ERC2: variants seen among roughly 807,000 people sequenced by gnomAD.
The protein encoded by ERC2 is ERC protein 2.
Under a neutral mutation model 114.8 loss-of-function variants are expected in ERC2, and 42 were observed. The ratio of observed to expected loss-of-function variants is 0.37; its 90% confidence interval spans 0.29 to 0.47. The LOEUF is 0.47. Among genes scored for constraint, ERC2 ranks in the 20% least tolerant of loss-of-function variants. The probability of loss-of-function intolerance (pLI) is 0.99; values close to 1 mark genes in which losing one functional copy is unlikely to be tolerated. For missense variants in ERC2, 939 were observed against 1,150.7 expected, an observed-to-expected ratio of 0.82 and a Z score of 2.66; for synonymous variants, 454 against 425.5, an observed-to-expected ratio of 1.07 and a Z score of -0.82.
chr3:55,735,816 C>A (rs150823963), intron 14 of ERC2, among the ~76,000 whole-genome samples: 2 of 151,962 alleles, frequency 1.3e-5, no homozygotes, highest in African/African-American at 4.8e-5. Flanking sequence ...TACTGGAAAC[C>A]CTGTTCTATT....
At chr3:55,826,568 A>C (rs902602508) in intron 14 of ERC2, among the ~76,000 whole-genome samples, 3 of 152,240 alleles carry the variant, frequency 2.0e-5, no homozygotes, top group African/African-American at 4.8e-5. Flanking sequence ...GCAAAGCCTG[A>C]CAATAATCAT....
chr3:56,263,012 A>G (rs984338181), intron 3 of ERC2, among the ~76,000 whole-genome samples: 1 of 152,256 alleles, frequency 6.6e-6, no homozygotes, highest in African/African-American at 2.4e-5. Flanking sequence ...TACAGCAGCA[A>G]CAAGCAAAGC....
chr3:55,773,556 C>G (rs2068379160), intron 14 of ERC2, among the ~76,000 whole-genome samples: 1 of 152,210 alleles, frequency 6.6e-6, no homozygotes, highest in Non-Finnish European at 1.5e-5. Flanking sequence ...CAAGCTAATA[C>G]TCATCTTGCC....
chr3:56,103,743 GTATC>G (rs58839474), intron 6 of ERC2, among the ~76,000 whole-genome samples: 13,146 of 149,104 alleles, frequency 0.088, 716 homozygotes, highest in East Asian at 0.2. Context: ...AACTAGAAGT[GTATC>G]TATCTATCTA....
At chr3:56,418,472 G>A (rs1399302853) in intron 2 of ERC2, among the ~76,000 whole-genome samples, 1 of 152,146 alleles carries the variant, frequency 6.6e-6, no homozygotes, top group African/African-American at 2.4e-5. Flanking sequence ...TAGTCTGCCT[G>A]GGTTCAACCC....
intron 6 of ERC2, among the ~76,000 whole-genome samples, chr3:56,102,419 A>C (rs927582633): frequency 1.2e-4 from 18 of 152,228 alleles, no homozygotes; most frequent in Admixed American, 3.3e-4. Context: ...GAAAAAAACA[A>C]AACCAAAAAC....
chr3:56,343,109 T>C (rs573217415), intron 2 of ERC2, among the ~76,000 whole-genome samples: 110 of 151,928 alleles, frequency 7.2e-4, no homozygotes, highest in African/African-American at 2.6e-3. Context: ...CCAGGTTCAT[T>C]TGGATTTGTC....
intron 9 of ERC2, 145 bp from the exon 10 acceptor site, chr3:56,007,466 C>G (rs1388459629): frequency 2.6e-6 from 2 of 755,998 alleles, no homozygotes; most frequent in Non-Finnish European, 4.1e-6. Flanking sequence ...TAACAATAGT[C>G]AGCTCTGGTC....
intron 3 of ERC2, among the ~76,000 whole-genome samples, chr3:56,242,237 G>A (rs2051370068): frequency 6.6e-6 from 1 of 152,104 alleles, no homozygotes; most frequent in South Asian, 2.1e-4. Flanking sequence ...AATACCAAAT[G>A]TTCTCATTTA....
chr3:55,594,696 C>T (rs1047547637), intron 17 of ERC2, among the ~76,000 whole-genome samples: 5 of 152,078 alleles, frequency 3.3e-5, no homozygotes, highest in Non-Finnish European at 5.9e-5. Context: ...TTTGGCCGAG[C>T]TGGTCTCAAA....
At chr3:55,709,419 G>A (rs571882862) in intron 15 of ERC2, among the ~76,000 whole-genome samples, 1 of 152,162 alleles carries the variant, frequency 6.6e-6, no homozygotes, top group Non-Finnish European at 1.5e-5. Flanking sequence ...TTATGTCTTA[G>A]GATGTGGAAA....
intron 14 of ERC2, among the ~76,000 whole-genome samples, chr3:55,838,590 TA>T (rs1230142230): frequency 6.6e-6 from 1 of 151,918 alleles, no homozygotes; most frequent in African/African-American, 2.4e-5. Context: ...AATGTTTTAT[TA>T]GGAAACAAGA....
chr3:55,730,640 G>A (rs1055823060), intron 15 of ERC2, among the ~76,000 whole-genome samples: 2 of 152,230 alleles, frequency 1.3e-5, no homozygotes, highest in African/African-American at 2.4e-5. Context: ...GGAGGCCGAG[G>A]TGGGAAGACT....
intron 5 of ERC2, among the ~76,000 whole-genome samples, chr3:56,141,451 G>A (rs1296037323): frequency 6.6e-6 from 1 of 152,150 alleles, no homozygotes; most frequent in Non-Finnish European, 1.5e-5. Context: ...ATGGTGTGAG[G>A]AAGACCATAC....
Position 56,240,394 on chromosome 3 carries a change from A to C in ERC2, c.1074+55625T>G, listed in dbSNP as rs548029781. On this transcript the variant is annotated intron_variant, in intron 3 of 17. Coordinates refer to ENST00000288221, the MANE Select transcript of ERC2 (RefSeq NM_015576.3). ...ATCTCAGTCAGGACTGAAGATAGTA[A>C]TTTTTTAAAAAAGCATTTTCAATTT... Among the ~76,000 whole-genome samples the C allele has an allele frequency of 3.9e-5, 6 of 152,364 alleles. No individual in the cohort carries two copies. The South Asian group carries it at 1.2e-3, about 32-fold the overall frequency.
chr3:56,387,486 C>A (rs556311585), intron 2 of ERC2, among the ~76,000 whole-genome samples: 1 of 152,224 alleles, frequency 6.6e-6, no homozygotes, highest in South Asian at 2.1e-4. Context: ...TGTTTGTTCT[C>A]TCTTGTTTAT....
chr3:55,883,468 A>C (rs1022974226), intron 14 of ERC2, among the ~76,000 whole-genome samples: 6 of 152,162 alleles, frequency 3.9e-5, no homozygotes, highest in Non-Finnish European at 8.8e-5. Flanking sequence ...ATGATTAAAC[A>C]GTTCTGCATC....
chr3:56,264,596 C>CAA (rs35155507), intron 3 of ERC2, among the ~76,000 whole-genome samples: 67 of 136,790 alleles, frequency 4.9e-4, no homozygotes, highest in East Asian at 8.2e-4. Context: ...GACTCCATCT[C>CAA]AAAAAAAAAA....
chr3:56,251,520 T>C (rs2052153598), intron 3 of ERC2, among the ~76,000 whole-genome samples: 1 of 151,954 alleles, frequency 6.6e-6, no homozygotes, highest in Non-Finnish European at 1.5e-5. Context: ...AAGAAAAAAA[T>C]AAATCTCATT....
Sources: allele counts gnomAD v4.1 joint callset (sites outside exome capture counted in the v4.1 genomes callset), GRCh38; gene constraint gnomAD v4.1.1; transcripts MANE v1.5; gene names NCBI Gene and HGNC (gene_info 2026-07-23, HGNC 2026-07-21).